Variants in COPG1 observed in about 807,000 individuals in gnomAD.
COPG1 encodes coat protein complex I subunit gamma 1.
Under a neutral mutation model 102.8 loss-of-function variants are expected in COPG1, and 29 were observed. That is an observed-to-expected ratio of 0.28 (90% CI 0.21 to 0.38). The LOEUF is 0.38. Among genes scored for constraint, COPG1 ranks in the 10% least tolerant of loss-of-function variants. COPG1 has a pLI of 1.00. For missense variants in COPG1, 875 were observed against 1,132.7 expected (o/e 0.77, Z 3.27); for synonymous variants, 406 against 421.6 (o/e 0.96, Z 0.45).
intron 1 of COPG1, among the ~76,000 whole-genome samples, chr3:129,250,261 T>C (rs553763632): frequency 6.6e-6 from 1 of 152,312 alleles, no homozygotes; most frequent in South Asian, 2.1e-4. Flanking sequence ...GCTAGGAATA[T>C]TAGAATGGTT....
At chr3:129,254,853 G>A in intron 6 of COPG1, 110 bp downstream of exon 6, 1 of 1,209,694 alleles carries the variant, frequency 8.3e-7, no homozygotes, top group Non-Finnish European at 1.2e-6. Flanking sequence ...GATGTGGGGT[G>A]GAGGCAGTGT....
intron 1 of COPG1, 72 bp downstream of exon 1, chr3:129,249,818 C>A: frequency 4.0e-6 from 6 of 1,500,798 alleles, no homozygotes; most frequent in Non-Finnish European, 5.4e-6. Context: ...GGTTCTCTGT[C>A]CTGACCCGGA....
At chr3:129,265,882 G>A in intron 14 of COPG1, 90 bp downstream of exon 14, 11 of 1,299,470 alleles carry the variant, frequency 8.5e-6, no homozygotes, top group Non-Finnish European at 1.2e-5. Context: ...GTGGGGATTT[G>A]TGCACTCAGT....
Position 129,260,812 on chromosome 3 carries a change from C to G in COPG1, c.1128+5C>G. On this transcript the variant is annotated splice_donor_5th_base_variant and intron_variant, in intron 12 of 23. Transcript: ENST00000314797. ...GAAATCTCGGATGAATTCAAGGTAC[C>G]TGCTACCCCCAGGACACCCACGGCC... The G allele has an allele frequency of 6.2e-7, 1 of 1,611,736 alleles. No individual in the cohort carries two copies. The highest frequency in any genetic ancestry group is 8.5e-7 in the Non-Finnish European group (1 of 1,179,786).
chr3:129,265,920 A>G (rs1940048460), intron 14 of COPG1, 128 bp downstream of exon 14: 1 of 921,894 alleles, frequency 1.1e-6, no homozygotes, highest in Non-Finnish European at 1.6e-6. Flanking sequence ...TGTTTTTCAT[A>G]ATATTGTAGG....
chr3:129,276,751 C>T (rs751637505), intron 23 of COPG1, among the ~76,000 whole-genome samples: 5 of 151,918 alleles, frequency 3.3e-5, no homozygotes, highest in Non-Finnish European at 4.4e-5. Context: ...TTAGCAGAAG[C>T]CTGAAATATG....
Position 129,272,795 on chromosome 3 carries a change from T to A in COPG1, c.2159-12T>A. On this transcript the variant is annotated splice_polypyrimidine_tract_variant and intron_variant, in intron 20 of 23. Transcript: ENST00000314797. ...GGGGACATCCTAACTACCCAGCCTC[T>A]CTTCCCCACAGTGGCCTGCACATTC... 9 of 1,596,530 alleles carry A rather than the reference T, an allele frequency of 5.6e-6. No individual in the cohort carries two copies. The highest frequency in any genetic ancestry group is 6.9e-6 in the Non-Finnish European group (8 of 1,164,884).
intron 13 of COPG1, among the ~76,000 whole-genome samples, chr3:129,264,595 G>A (rs963639026): frequency 1.8e-4 from 28 of 152,160 alleles, no homozygotes; most frequent in African/African-American, 6.5e-4. Flanking sequence ...TGTTGTAGAA[G>A]GGCACTAATG....
chr3:129,259,610 AATTT>A (rs1447254548), intron 10 of COPG1, among the ~76,000 whole-genome samples: 1 of 152,176 alleles, frequency 6.6e-6, no homozygotes, highest in African/African-American at 2.4e-5. Context: ...CATTAAGAAA[AATTT>A]TTTTTGAGTA....
chr3:129,273,492 G>A (rs1043235896), intron 21 of COPG1, among the ~76,000 whole-genome samples: 3 of 152,212 alleles, frequency 2.0e-5, no homozygotes, highest in Non-Finnish European at 4.4e-5. Context: ...TTCTTACAGT[G>A]TAGACCTTGC....
At chr3:129,251,876 C>T (rs922509699) in intron 2 of COPG1, among the ~76,000 whole-genome samples, 8 of 149,114 alleles carry the variant, frequency 5.4e-5, no homozygotes, top group East Asian at 2.0e-4. Context: ...TTAGTACAGA[C>T]GGGGTTTCAC....
At chr3:129,249,865 G>A (rs377606579) in intron 1 of COPG1, 119 bp downstream of exon 1, 1 of 1,062,782 alleles carries the variant, frequency 9.4e-7, no homozygotes, top group South Asian at 1.6e-5. Flanking sequence ...CTTGTGCCAG[G>A]GTCCACAGCT....
At position 129,272,231 on chromosome 3, in the gene COPG1, C is replaced by T. The variant is rs752369419; in HGVS notation, c.1987-13C>T. ...TAGTGCAATGTTTAAGCTCCCCTCT[C>T]TTTCCTGTTCAGTTTGACTGCACAA... On this transcript the variant is annotated splice_polypyrimidine_tract_variant and intron_variant, in intron 19 of 23. Transcript: ENST00000314797. 1 of 1,612,774 alleles carries T rather than the reference C, an allele frequency of 6.2e-7. No homozygotes were observed. The highest frequency in any genetic ancestry group is 8.5e-7 in the Non-Finnish European group (1 of 1,178,864).
chr3:129,252,059 A>G lies in COPG1; in HGVS notation c.91-222A>G, dbSNP rs542709420. Among the ~76,000 whole-genome samples, 8 of 152,326 alleles carry G rather than the reference A, an allele frequency of 5.3e-5. No homozygotes were observed. The East Asian group carries it at 1.2e-3, about 22-fold the overall frequency. ...ATGGTTGCTAAGTATCTGCTAGTCAATAGGTTAGCACATCCCTAACTAATA... is the reference window on the plus strand; with the variant it reads ...ATGGTTGCTAAGTATCTGCTAGTCAGTAGGTTAGCACATCCCTAACTAATA... On this transcript the variant is annotated intron_variant, in intron 2 of 23. Transcript: ENST00000314797.
rs1296002718 is a variant in COPG1, at chr3:129,275,140, G to A, written c.2396-54G>A. The A allele has an allele frequency of 1.9e-6, 3 of 1,546,112 alleles. No individual in the cohort carries two copies. Among genetic ancestry groups the A allele is most frequent in the Non-Finnish European group, 2.7e-6 (3 of 1,119,346 alleles). ...CCCTTCAGAACATGGGGGAGTGGTG[G>A]TGGCACAAAGGGCAGATAAGATGGC... On this transcript the variant is annotated intron_variant, in intron 22 of 23. Transcript: ENST00000314797. The surrounding 1 kb of genome is among the most constrained non-coding windows in gnomAD (Gnocchi z 5.0).
chr3:129,258,901 G>A (rs571465159), intron 10 of COPG1, among the ~76,000 whole-genome samples: 1 of 152,354 alleles, frequency 6.6e-6, no homozygotes, highest in East Asian at 1.9e-4. Context: ...GTTGGTACTG[G>A]AAAGTGGATA....
At chr3:129,250,776 TCAC>T in intron 2 of COPG1, 42 bp downstream of exon 2, 1 of 1,520,104 alleles carries the variant, frequency 6.6e-7, no homozygotes. Context: ...TCATAAATAT[TCAC>T]CACCAATGCA....
At position 129,260,625 on chromosome 3, in the gene COPG1, A is replaced by G. The variant is rs1054120767; in HGVS notation, c.946A>G (p.Met316Val). 1 of 1,613,960 alleles carries G rather than the reference A, an allele frequency of 6.2e-7. No homozygotes were observed. Among genetic ancestry groups the G allele is most frequent in the Non-Finnish European group, 8.5e-7 (1 of 1,179,976 alleles). Residue 316 changes from methionine (M) to valine (V), a missense_variant, in exon 12 of 24, where the codon ATG (methionine) becomes GTG (valine). Met to Val is a conservative substitution (Grantham distance 21, BLOSUM62 1). Transcript: ENST00000314797. ...CACTGTCCTCCCAAAACAGGTTGCCATGAAGCATCCGTCAGCTGTGACAGC... is the reference window on the plus strand; with the variant it reads ...CACTGTCCTCCCAAAACAGGTTGCCGTGAAGCATCCGTCAGCTGTGACAGC... ...AAVRTLNKVA[M>V]KHPSAVTACN...
intron 6 of COPG1, 98 bp from the exon 7 acceptor site, chr3:129,254,887 A>C: frequency 7.5e-6 from 9 of 1,208,020 alleles, no homozygotes; most frequent in Non-Finnish European, 1.1e-5. Flanking sequence ...AGAAACGCTT[A>C]CTTCCTCCTC....
Sources: allele counts gnomAD v4.1 joint callset (sites outside exome capture counted in the v4.1 genomes callset), GRCh38; gene constraint gnomAD v4.1.1; non-coding constraint Gnocchi (gnomAD v3.1); transcripts MANE v1.5; gene names NCBI Gene and HGNC (gene_info 2026-07-23, HGNC 2026-07-21).